GALNTL6: variants seen among roughly 807,000 people sequenced by gnomAD.
The protein encoded by GALNTL6 is polypeptide N-acetylgalactosaminyltransferase like 6.
A neutral mutation model predicts 73.7 loss-of-function variants in GALNTL6; 46 were observed. The observed-to-expected ratio is 0.62, with a 90% CI of 0.49 to 0.80. The LOEUF is 0.80. Among genes scored for constraint, GALNTL6 ranks in the 30% least tolerant of loss-of-function variants. The pLI, the probability that GALNTL6 is intolerant of heterozygous loss-of-function variation, is 0.00. For synonymous variants in GALNTL6, 259 were observed against 263.7 expected (o/e 0.98, Z 0.17); for missense variants, 604 against 755.0 (o/e 0.80, Z 2.34).
intron 7 of GALNTL6, among the ~76,000 whole-genome samples, chr4:172,872,480 T>C (rs1295274141): frequency 1.3e-5 from 2 of 152,222 alleles, no homozygotes; most frequent in Non-Finnish European, 2.9e-5. Context: ...TGAGTTTTAA[T>C]GTAAATACCT....
chr4:171,839,717 T>G (rs1735192393), intron 2 of GALNTL6, among the ~76,000 whole-genome samples: 1 of 151,862 alleles, frequency 6.6e-6, no homozygotes, highest in Admixed American at 6.6e-5. Context: ...ACATGAAAAT[T>G]TTGAGTTACC....
chr4:172,229,806 G>A, intron 3 of GALNTL6, 42 bp downstream of exon 3: 1 of 1,190,138 alleles, frequency 8.4e-7, no homozygotes, highest in Non-Finnish European at 1.2e-6. Context: ...TTCACTCGCA[G>A]CAGTGTCTCA....
chr4:172,323,628 A>G lies in GALNTL6; in HGVS notation c.386+11876A>G, dbSNP rs1269693069. 2.0e-5 allele frequency among the ~76,000 whole-genome samples: 3 copies of G among 152,234 alleles called. No homozygotes were observed. In the East Asian group the frequency reaches 5.8e-4, roughly 29 times the overall value. On this transcript the variant is annotated intron_variant, in intron 4 of 12. Transcript: ENST00000506823. ...TCTTTCTAAACATGTCAGATCCTTT[A>G]TATCGATTTTTTAAATAATTGGTTT...
intron 4 of GALNTL6, among the ~76,000 whole-genome samples, chr4:172,346,006 G>A (rs13134697): frequency 1.3e-5 from 2 of 151,944 alleles, no homozygotes; most frequent in African/African-American, 2.4e-5. Context: ...CAGAACTTCT[G>A]ATCTGCCCTT....
intron 5 of GALNTL6, among the ~76,000 whole-genome samples, chr4:172,496,242 G>T (rs1254522555): frequency 6.6e-6 from 1 of 152,058 alleles, no homozygotes; most frequent in Non-Finnish European, 1.5e-5. Context: ...TATGTACTTT[G>T]ACCTTACAAA....
At chr4:172,500,447 A>G (rs1219453592) in intron 5 of GALNTL6, among the ~76,000 whole-genome samples, 1 of 152,150 alleles carries the variant, frequency 6.6e-6, no homozygotes, top group Non-Finnish European at 1.5e-5. Flanking sequence ...TCTGAAAACT[A>G]AAAACAAAGA....
rs1183033705 is a variant in GALNTL6 at position 172,606,409 on chromosome 4, G to A, written c.554-202952G>A. On this transcript the variant is annotated intron_variant, in intron 5 of 12. Transcript: ENST00000506823. ...GCAGAGGTTGTGGTGAGCCAAAATC[G>A]CGCCATTGCATTCCAGCGTGGGCAA... Among the ~76,000 whole-genome samples the A allele has an allele frequency of 3.4e-5, 5 of 149,036 alleles. No individual in the cohort carries two copies. In the South Asian group the frequency reaches 6.4e-4, roughly 19 times the overall value.
chr4:172,073,847 G>A (rs1731626890), intron 2 of GALNTL6, among the ~76,000 whole-genome samples: 1 of 152,290 alleles, frequency 6.6e-6, no homozygotes, highest in African/African-American at 2.4e-5. Context: ...AACTACTGGG[G>A]ACAGGGAGGG....
At chr4:172,383,986 A>G (rs1243302115) in intron 5 of GALNTL6, among the ~76,000 whole-genome samples, 1 of 152,100 alleles carries the variant, frequency 6.6e-6, no homozygotes, top group African/African-American at 2.4e-5. Context: ...TAATTCATTT[A>G]ATATGGGTCT....
intron 12 of GALNTL6, among the ~76,000 whole-genome samples, chr4:173,029,056 T>C (rs978355964): frequency 1.3e-5 from 2 of 152,336 alleles, no homozygotes; most frequent in South Asian, 2.1e-4. Context: ...TCCACAAAGA[T>C]GCCAGATAGA....
At chr4:171,951,586 A>G (rs1484280459) in intron 2 of GALNTL6, among the ~76,000 whole-genome samples, 1 of 125,850 alleles carries the variant, frequency 7.9e-6, no homozygotes, top group African/African-American at 2.9e-5. Context: ...TCACATACAC[A>G]CAACAGATAA....
chr4:172,962,408 T>A (rs1750125453), intron 10 of GALNTL6, among the ~76,000 whole-genome samples: 1 of 152,060 alleles, frequency 6.6e-6, no homozygotes, highest in South Asian at 2.1e-4. Context: ...ATTTCACTAG[T>A]TTTTTTTGCT....
At chr4:172,898,291 TACACACACAC>T (rs5741949) in intron 8 of GALNTL6, among the ~76,000 whole-genome samples, 29,948 of 147,324 alleles carry the variant, frequency 0.2, 3,602 homozygotes, top group African/African-American at 0.33. Context: ...TATACTTTAT[TACACACACAC>T]ACACACACAC....
chr4:171,937,610 A>G (rs1738391753), intron 2 of GALNTL6, among the ~76,000 whole-genome samples: 1 of 152,136 alleles, frequency 6.6e-6, no homozygotes, highest in East Asian at 1.9e-4. Flanking sequence ...ATTCAGTCTC[A>G]TTCCTTACTT....
intron 5 of GALNTL6, among the ~76,000 whole-genome samples, chr4:172,681,968 C>G (rs1019663202): frequency 2.6e-5 from 4 of 152,204 alleles, no homozygotes; most frequent in African/African-American, 9.6e-5. Context: ...AGAACCTCCC[C>G]CTCTGTTTAT....
At chr4:171,841,729 A>G (rs978480278) in intron 2 of GALNTL6, among the ~76,000 whole-genome samples, 3 of 41,714 alleles carry the variant, frequency 7.2e-5, no homozygotes, top group African/African-American at 1.2e-4. Context: ...TGGTTAAAAT[A>G]GTATGTAAAA....
chr4:172,939,121 C>T (rs1748780570), intron 9 of GALNTL6, among the ~76,000 whole-genome samples: 1 of 151,928 alleles, frequency 6.6e-6, no homozygotes, highest in Admixed American at 6.5e-5. Context: ...AAGGCCCCAG[C>T]TTTAAAAAAG....
At chr4:172,970,618 C>T (rs1308705796) in intron 10 of GALNTL6, among the ~76,000 whole-genome samples, 1 of 152,134 alleles carries the variant, frequency 6.6e-6, no homozygotes, top group East Asian at 1.9e-4. Flanking sequence ...TCCCTTGTTC[C>T]CTGAAAATTG....
At chr4:173,035,383 G>A (rs970952697) in intron 12 of GALNTL6, among the ~76,000 whole-genome samples, 13 of 136,842 alleles carry the variant, frequency 9.5e-5, no homozygotes, top group Admixed American at 2.2e-4. Flanking sequence ...TCCCCATGTT[G>A]CTCAGGCTGG....
Sources: gnomAD v4.1 joint callset for allele counts (sites outside exome capture counted in the v4.1 genomes callset) on GRCh38, gnomAD v4.1.1 for gene constraint, MANE v1.5 for transcripts, NCBI Gene and HGNC (gene_info 2026-07-23, HGNC 2026-07-21) for gene names.